INO80: variants seen among roughly 807,000 people sequenced by gnomAD.
INO80 encodes chromatin-remodeling ATPase INO80.
Under a neutral mutation model 203.4 loss-of-function variants are expected in INO80, and 20 were observed. The ratio of observed to expected loss-of-function variants is 0.10; its 90% CI spans 0.07 to 0.14. INO80 has a LOEUF of 0.14. INO80 is among the 10% of genes least tolerant of loss of function. The pLI, the probability that INO80 is intolerant of heterozygous loss-of-function variation, is 1.00. For synonymous variants in INO80, 726 were observed against 685.2 expected (o/e 1.06, Z -0.93); for missense variants, 1,419 against 1,914.4 (o/e 0.74, Z 4.83).
chr15:41,021,321 T>A (rs1239137294), intron 25 of INO80, among the ~76,000 whole-genome samples, 196 bp from the exon 26 acceptor site: 1 of 152,200 alleles, frequency 6.6e-6, no homozygotes, highest in Non-Finnish European at 1.5e-5. Context: ...CAACCTCTTA[T>A]AAAATGAAAC....
chr15:41,005,534 C>A, intron 28 of INO80, 59 bp downstream of exon 28: 5 of 811,968 alleles, frequency 6.2e-6, no homozygotes, highest in East Asian at 2.7e-5. Flanking sequence ...AAAAACTTAC[C>A]ATTTCAAGCA....
At chr15:40,991,592 G>A (rs1308746185) in intron 29 of INO80, among the ~76,000 whole-genome samples, 1 of 151,984 alleles carries the variant, frequency 6.6e-6, no homozygotes, top group African/African-American at 2.4e-5. Flanking sequence ...AATCCACAAA[G>A]CGTGGCCCAG....
chr15:41,105,562 A>AC (rs900524973), intron 1 of INO80, among the ~76,000 whole-genome samples: 1 of 152,180 alleles, frequency 6.6e-6, no homozygotes, highest in Non-Finnish European at 1.5e-5. Flanking sequence ...TCAAAGCCCC[A>AC]CAAGATTAAG....
chr15:41,096,452 G>C (rs1397409578), intron 1 of INO80, 99 bp from the exon 2 acceptor site: 6 of 776,242 alleles, frequency 7.7e-6, no homozygotes, highest in Non-Finnish European at 1.1e-5. Context: ...AGACCTTCTA[G>C]AACACAAGAC....
At chr15:41,031,646 A>G (rs1383442146) in intron 24 of INO80, among the ~76,000 whole-genome samples, 42 of 89,964 alleles carry the variant, frequency 4.7e-4, no homozygotes, top group African/African-American at 1.7e-3. Context: ...GGAAGGGAGG[A>G]AGGGAGGGAG....
intron 13 of INO80, 140 bp downstream of exon 13, chr15:41,070,327 A>G: frequency 1.4e-6 from 1 of 730,476 alleles, no homozygotes; most frequent in Non-Finnish European, 2.2e-6. Context: ...CTGTCCCCTT[A>G]TAAAGCTCTG....
intron 26 of INO80, chr15:41,019,564 T>C (rs1311430906): frequency 6.6e-6 from 1 of 152,204 alleles, no homozygotes; most frequent in Non-Finnish European, 1.5e-5. Context: ...AAAAAAGAAG[T>C]AAGGTGCTAT....
chr15:41,026,379 C>G (rs2044374816), intron 25 of INO80, among the ~76,000 whole-genome samples: 1 of 151,794 alleles, frequency 6.6e-6, no homozygotes. Flanking sequence ...ATGACAAAAC[C>G]TCGTCTTTAC....
At chr15:41,102,774 T>G (rs925699640) in intron 1 of INO80, among the ~76,000 whole-genome samples, 3 of 152,212 alleles carry the variant, frequency 2.0e-5, no homozygotes, top group African/African-American at 7.2e-5. Flanking sequence ...TTTATCAGAA[T>G]GAATGAAGTT....
At chr15:41,071,646 A>C (rs2140595473) in intron 12 of INO80, among the ~76,000 whole-genome samples, 1 of 150,308 alleles carries the variant, frequency 6.7e-6, no homozygotes, top group South Asian at 2.1e-4. Flanking sequence ...TTTTTAGTAG[A>C]GATGGGGTTT....
chr15:41,112,527 G>A (rs2045971606), intron 1 of INO80, among the ~76,000 whole-genome samples: 2 of 151,894 alleles, frequency 1.3e-5, no homozygotes, highest in South Asian at 4.1e-4. Flanking sequence ...AGTGGCTCAC[G>A]CCTGTAATCC....
chr15:40,987,700 A>G lies in INO80; in HGVS notation c.3729+116T>C, dbSNP rs963519539. The G allele has an allele frequency of 5.2e-6, 5 of 970,340 alleles. No homozygotes were observed. The African/African-American group carries it at 8.3e-5, about 16-fold the overall frequency. 60.1% of individuals were successfully genotyped at this position (970,340 alleles called of 1,614,324 possible). On this transcript the variant is annotated intron_variant, in intron 30 of 35. Transcript: ENST00000648947. ...TTATTTTCTATTCAGAAGAAATTGTAGTTTCGTCAGGACCAATGAAAGGCA... is the reference window on the plus strand; with the variant it reads ...TTATTTTCTATTCAGAAGAAATTGTGGTTTCGTCAGGACCAATGAAAGGCA...
chr15:41,039,347 T>C (rs1243214439), intron 24 of INO80, among the ~76,000 whole-genome samples: 1 of 152,240 alleles, frequency 6.6e-6, no homozygotes, highest in Non-Finnish European at 1.5e-5. Flanking sequence ...CCATTCATTA[T>C]CTACCATTAC....
intron 28 of INO80, among the ~76,000 whole-genome samples, chr15:41,003,710 G>A (rs1051902414): frequency 3.9e-5 from 6 of 152,060 alleles, no homozygotes; most frequent in Admixed American, 3.9e-4. Flanking sequence ...AACTGTTACT[G>A]AAGAAAAACA....
chr15:41,027,530 C>A, intron 25 of INO80, 66 bp downstream of exon 25: 1 of 1,275,626 alleles, frequency 7.8e-7, no homozygotes, highest in Non-Finnish European at 1.1e-6. Context: ...AGAAATAAAT[C>A]CCTTAAAAAT....
chr15:41,062,462 C>T (rs1487269975), intron 14 of INO80, among the ~76,000 whole-genome samples: 8 of 152,032 alleles, frequency 5.3e-5, no homozygotes, highest in Non-Finnish European at 1.0e-4. Flanking sequence ...ATTAGCTGGG[C>T]GCAGAGGTTG....
intron 16 of INO80, among the ~76,000 whole-genome samples, chr15:41,057,981 G>A (rs1224457984): frequency 6.6e-6 from 1 of 151,786 alleles, no homozygotes; most frequent in African/African-American, 2.4e-5. Flanking sequence ...TATTTACTTT[G>A]GGACCTCAAA....
intron 29 of INO80, among the ~76,000 whole-genome samples, chr15:40,993,453 A>G (rs1297063591): frequency 6.6e-6 from 1 of 152,108 alleles, no homozygotes; most frequent in Non-Finnish European, 1.5e-5. Flanking sequence ...CTACAACCTG[A>G]TGATTTGAAA....
intron 24 of INO80, among the ~76,000 whole-genome samples, chr15:41,043,092 A>T (rs2044696941): frequency 6.6e-6 from 1 of 152,186 alleles, no homozygotes; most frequent in African/African-American, 2.4e-5. Context: ...TAACTGATAT[A>T]AGGACCTCAC....
Sources: allele counts gnomAD v4.1 joint callset (sites outside exome capture counted in the v4.1 genomes callset), GRCh38; gene constraint gnomAD v4.1.1; transcripts MANE v1.5; gene names NCBI Gene and HGNC (gene_info 2026-07-23, HGNC 2026-07-21).